The following FHIT variants were observed in gnomAD, a reference collection of about 807,000 sequenced individuals.
FHIT encodes the protein fragile histidine triad diadenosine triphosphatase, also known as bis(5'-adenosyl)-triphosphatase.
In FHIT, 19 loss-of-function variants were observed where a neutral mutation model predicts 17.9. That is an observed-to-expected ratio of 1.06 (90% CI 0.74 to 1.56). The LOEUF (loss-of-function observed/expected upper bound fraction) is 1.56. Among genes scored for constraint, FHIT ranks in the 40% most tolerant of loss-of-function variants. The probability of loss-of-function intolerance (pLI) is 0.00; values close to 1 mark genes in which losing one functional copy is unlikely to be tolerated. For synonymous variants in FHIT, 81 were observed against 69.7 expected (o/e 1.16, Z -0.81); for missense variants, 248 against 189.2 (o/e 1.31, Z -1.82).
At chr3:59,945,125 T>C (rs544159293) in intron 7 of FHIT, among the ~76,000 whole-genome samples, 43 of 152,298 alleles carry the variant, frequency 2.8e-4, no homozygotes, top group African/African-American at 1.0e-3. Context: ...GCTGAGCTAG[T>C]TTACATTCCC....
At chr3:59,770,990 T>C (rs888882666) in intron 8 of FHIT, among the ~76,000 whole-genome samples, 2 of 152,234 alleles carry the variant, frequency 1.3e-5, no homozygotes, top group Admixed American at 6.5e-5. Context: ...ATGGTGCCTG[T>C]TTTCACATTT....
At chr3:60,700,082 G>C (rs1187514798) in intron 4 of FHIT, among the ~76,000 whole-genome samples, 1 of 146,404 alleles carries the variant, frequency 6.8e-6, no homozygotes, top group Non-Finnish European at 1.5e-5. Flanking sequence ...CATGAGCCAA[G>C]ATCACGCCAC....
chr3:60,202,932 A>T (rs1334552780), intron 5 of FHIT, among the ~76,000 whole-genome samples: 1 of 151,988 alleles, frequency 6.6e-6, no homozygotes, highest in South Asian at 2.1e-4. Context: ...CCTCAGCTTT[A>T]TCTACTTTTA....
chr3:60,770,666 G>A (rs1420107884), intron 4 of FHIT, among the ~76,000 whole-genome samples: 1 of 152,214 alleles, frequency 6.6e-6, no homozygotes, highest in African/African-American at 2.4e-5. Context: ...GTGGTATCCA[G>A]TAAGTAGATG....
At position 60,285,216 on chromosome 3, in the gene FHIT, CT is replaced by C. The variant is rs953189845; in HGVS notation, c.103+251643del. Among the ~76,000 whole-genome samples, 108 of 152,016 alleles carry C rather than the reference CT, an allele frequency of 7.1e-4. 1 individual carries two copies. The highest frequency in any genetic ancestry group is 2.5e-3 in the African/African-American group (102 of 41,488). ...TATTTTTATTATAGTCATATTAACCCTTAGAAAGTAGTATTTTTCACTCCAC... is the reference window on the plus strand; with the variant it reads ...TATTTTTATTATAGTCATATTAACCCTAGAAAGTAGTATTTTTCACTCCAC... On this transcript the variant is annotated intron_variant, in intron 5 of 9. Coordinates refer to ENST00000492590, the MANE Select transcript of FHIT (RefSeq NM_002012.4).
chr3:60,268,061 T>C (rs1706675786), intron 5 of FHIT, among the ~76,000 whole-genome samples: 1 of 152,192 alleles, frequency 6.6e-6, no homozygotes, highest in South Asian at 2.1e-4. Flanking sequence ...CAAATTTAAA[T>C]GCAAACTGTG....
intron 4 of FHIT, among the ~76,000 whole-genome samples, chr3:60,683,074 T>C (rs1017085291): frequency 2.0e-5 from 3 of 152,180 alleles, no homozygotes; most frequent in Non-Finnish European, 4.4e-5. Context: ...AATTTTACAA[T>C]AAAACTTGAA....
chr3:59,773,413 T>C (rs1388050987), intron 8 of FHIT, among the ~76,000 whole-genome samples: 1 of 152,222 alleles, frequency 6.6e-6, no homozygotes, highest in Admixed American at 6.5e-5. Flanking sequence ...GTATCTTCTC[T>C]GCCTTTGTAT....
chr3:60,936,676 G>A (rs1708203250), intron 3 of FHIT, among the ~76,000 whole-genome samples: 1 of 152,110 alleles, frequency 6.6e-6, no homozygotes, highest in South Asian at 2.1e-4. Flanking sequence ...GAGCTAGTGT[G>A]TCTGGTGACT....
chr3:59,901,380 A>T (rs294452), intron 8 of FHIT, among the ~76,000 whole-genome samples: 1 of 152,166 alleles, frequency 6.6e-6, no homozygotes, highest in Non-Finnish European at 1.5e-5. Flanking sequence ...GAGAGGTATC[A>T]TGAGGATTAC....
chr3:60,898,462 GT>G (rs1705941198), intron 3 of FHIT, among the ~76,000 whole-genome samples: 1 of 152,154 alleles, frequency 6.6e-6, no homozygotes, highest in Admixed American at 6.5e-5. Flanking sequence ...TGTATGGTGG[GT>G]TCCCTTTACC....
At chr3:60,237,262 ATTTTTT>A (rs201958097) in intron 5 of FHIT, among the ~76,000 whole-genome samples, 2 of 124,850 alleles carry the variant, frequency 1.6e-5, no homozygotes, top group African/African-American at 6.1e-5. Flanking sequence ...TTGTTTTTCC[ATTTTTT>A]TTTTTTTTTT....
At chr3:60,082,182 G>T (rs547043836) in intron 5 of FHIT, among the ~76,000 whole-genome samples, 2 of 152,026 alleles carry the variant, frequency 1.3e-5, no homozygotes, top group South Asian at 2.1e-4. Context: ...TGTGTACCAT[G>T]TTTGTCTGTT....
intron 5 of FHIT, among the ~76,000 whole-genome samples, chr3:60,492,069 T>A (rs530595507): frequency 6.6e-6 from 1 of 152,342 alleles, no homozygotes; most frequent in East Asian, 1.9e-4. Flanking sequence ...GACATAAATA[T>A]TCTTGAAAAT....
chr3:60,858,941 G>A (rs982238376), intron 3 of FHIT, among the ~76,000 whole-genome samples: 1 of 152,112 alleles, frequency 6.6e-6, no homozygotes, highest in Non-Finnish European at 1.5e-5. Context: ...GTTCCCCCAG[G>A]ACATTCATCT....
intron 5 of FHIT, among the ~76,000 whole-genome samples, chr3:60,296,952 A>G (rs1241479911): frequency 6.8e-6 from 1 of 146,410 alleles, no homozygotes; most frequent in Non-Finnish European, 1.5e-5. Context: ...CAGTGGGCAT[A>G]TTTGTGTAGG....
At chr3:60,241,686 G>A (rs182415968) in intron 5 of FHIT, among the ~76,000 whole-genome samples, 199 of 152,074 alleles carry the variant, frequency 1.3e-3, no homozygotes, top group African/African-American at 4.5e-3. Context: ...CTGTTTCTGC[G>A]GACCCATTCC....
intron 3 of FHIT, among the ~76,000 whole-genome samples, chr3:60,850,025 G>A (rs1475294053): frequency 6.6e-6 from 1 of 151,946 alleles, no homozygotes; most frequent in African/African-American, 2.4e-5. Context: ...ATGAGCCCAG[G>A]CGATGTCAGG....
At chr3:60,007,420 C>G (rs1276573500) in intron 7 of FHIT, among the ~76,000 whole-genome samples, 1 of 152,168 alleles carries the variant, frequency 6.6e-6, no homozygotes, top group East Asian at 1.9e-4. Context: ...ATATCGTCTT[C>G]TACTTCATGT....
Sources: allele counts gnomAD v4.1 joint callset (sites outside exome capture counted in the v4.1 genomes callset), GRCh38; gene constraint gnomAD v4.1.1; transcripts MANE v1.5; gene names NCBI Gene and HGNC (gene_info 2026-07-23, HGNC 2026-07-21).